LRIG3: variants seen among roughly 807,000 people sequenced by gnomAD.
The protein encoded by LRIG3 is leucine-rich repeats and immunoglobulin-like domains protein 3.
A neutral mutation model predicts 114.5 loss-of-function variants in LRIG3; 76 were observed. The ratio of observed to expected loss-of-function variants is 0.66; its 90% CI spans 0.55 to 0.80. The LOEUF (loss-of-function observed/expected upper bound fraction) is 0.80. LRIG3 is among the 30% of genes least tolerant of loss of function. The probability of loss-of-function intolerance (pLI) is 0.00; values close to 1 mark genes in which losing one functional copy is unlikely to be tolerated. For missense variants in LRIG3, 1,239 were observed against 1,382.8 expected, an observed-to-expected ratio of 0.90 and a Z score of 1.65; for synonymous variants, 512 against 519.8, an observed-to-expected ratio of 0.98 and a Z score of 0.20.
At chr12:58,918,119 A>G (rs1872545145) in intron 1 of LRIG3, among the ~76,000 whole-genome samples, 1 of 152,238 alleles carries the variant, frequency 6.6e-6, no homozygotes, top group South Asian at 2.1e-4. Context: ...CCAATAAGTG[A>G]TCACAGCAGG....
Position 58,872,817 on chromosome 12 carries a change from C to A in LRIG3, c.3116-1G>T. On this transcript the variant is annotated splice_acceptor_variant, in intron 18 of 18. Coordinates refer to ENST00000320743, the MANE Select transcript of LRIG3 (RefSeq NM_153377.5). LOFTEE classifies it high-confidence loss of function. ...CTCCTGAGAGCTTTTCCAAAGGTAC[C>A]TGAAAGAAAGAAACACCTTGAGCAC... 6.2e-7 allele frequency: 1 copy of A among 1,609,318 alleles called. No individual in the cohort carries two copies. The highest frequency in any genetic ancestry group is 1.7e-4 in the Middle Eastern group (1 of 6,030).
rs371473066 is a variant in LRIG3, at chr12:58,872,584, G to T, written c.3348C>A (p.Asp1116Glu). The change falls in exon 19 of 19, where the codon GAC becomes GAA. Residue 1116 changes from aspartate (D) to glutamate (E), a missense_variant. Coordinates refer to ENST00000320743, the MANE Select transcript of LRIG3 (RefSeq NM_153377.5). ...NYRTPNFQSY[D>E]LDT is the part of the protein sequence containing the mutation. Reference sequence around the variant, plus strand: ...GGTCTCATTCAGTCTATGTGTCCAAGTCATAAGACTGAAAATTTGGAGTCC... The same window carrying T: ...GGTCTCATTCAGTCTATGTGTCCAATTCATAAGACTGAAAATTTGGAGTCC... 6 of 1,613,302 alleles carry T rather than the reference G, an allele frequency of 3.7e-6. No homozygotes were observed. Among genetic ancestry groups the T allele is most frequent in the Non-Finnish European group, 5.1e-6 (6 of 1,179,622 alleles).
chr12:58,906,827 T>C (rs1726563144), intron 3 of LRIG3, among the ~76,000 whole-genome samples: 1 of 152,268 alleles, frequency 6.6e-6, no homozygotes, highest in Non-Finnish European at 1.5e-5. Context: ...TTATTTGTTT[T>C]TATCCACTTG....
chr12:58,890,399 A>G (rs1871416956), intron 4 of LRIG3, among the ~76,000 whole-genome samples: 1 of 152,202 alleles, frequency 6.6e-6, no homozygotes, highest in Non-Finnish European at 1.5e-5. Context: ...AAACATAGCA[A>G]TGGTCTGATT....
intron 10 of LRIG3, among the ~76,000 whole-genome samples, chr12:58,884,791 A>G (rs929874398): frequency 5.9e-5 from 9 of 152,320 alleles, no homozygotes; most frequent in African/African-American, 2.2e-4. Context: ...GGAGAACCCA[A>G]TATGTATTTT....
rs755315094 is a variant in LRIG3 at position 58,872,588 on chromosome 12, T to C, written c.3344A>G (p.Tyr1115Cys). 1 of 1,613,496 alleles carries C rather than the reference T, an allele frequency of 6.2e-7. No individual in the cohort carries two copies. The highest frequency in any genetic ancestry group is 1.3e-5 in the African/African-American group (1 of 74,878). ...TCATTCAGTCTATGTGTCCAAGTCA[T>C]AAGACTGAAAATTTGGAGTCCTGTA... ...ENYRTPNFQS[Y>C]DLDT The change falls in exon 19 of 19, where the codon TAT (tyrosine) becomes TGT (cysteine). Residue 1115 changes from tyrosine (Y) to cysteine (C), a missense_variant. Transcript: ENST00000320743.
At chr12:58,883,840 T>C (rs1242299994) in intron 10 of LRIG3, among the ~76,000 whole-genome samples, 1 of 152,232 alleles carries the variant, frequency 6.6e-6, no homozygotes, top group African/African-American at 2.4e-5. Flanking sequence ...TAAAGATTAT[T>C]TGACTCATTA....
chr12:58,898,879 G>C (rs11172807), intron 3 of LRIG3, among the ~76,000 whole-genome samples: 3 of 151,022 alleles, frequency 2.0e-5, no homozygotes, highest in Admixed American at 6.6e-5. Context: ...GGATGGTCTC[G>C]ATCTCCTGAC....
intron 3 of LRIG3, among the ~76,000 whole-genome samples, chr12:58,903,240 C>A (rs955968199): frequency 2.6e-5 from 4 of 152,140 alleles, no homozygotes; most frequent in Non-Finnish European, 4.4e-5. Flanking sequence ...CTGTTGTTTC[C>A]TGACCTTTTA....
intron 3 of LRIG3, among the ~76,000 whole-genome samples, chr12:58,905,193 T>C (rs982648989): frequency 1.3e-5 from 2 of 152,180 alleles, no homozygotes; most frequent in Non-Finnish European, 2.9e-5. Flanking sequence ...TGGGAACTGT[T>C]GAAGGGTTTA....
rs1467033048 is a variant in LRIG3, at chr12:58,920,228, G to A, written c.8C>T (p.Ala3Val). ...CGCGGCGCGCGCACGGAGGCTCGGC[G>A]CGCTCATCGCGGTCCAGCGGCCTAG... Reference protein sequence around the residue: MSAPSLRARAAGL... With the variant: MSVPSLRARAAGL... The change falls in exon 1 of 19, where the codon GCG (alanine) becomes GTG (valine). Residue 3 changes from alanine (A) to valine (V), a missense_variant. Physicochemically the swap from Ala to Val is moderately conservative, Grantham distance 64. Coordinates refer to ENST00000320743, the MANE Select transcript of LRIG3 (RefSeq NM_153377.5). 8 of 1,382,588 alleles carry A rather than the reference G, an allele frequency of 5.8e-6. No homozygotes were observed. Among genetic ancestry groups the A allele is most frequent in the Non-Finnish European group, 7.4e-6 (8 of 1,078,750 alleles). 85.6% of individuals were successfully genotyped at this position (1,382,588 alleles called of 1,614,324 possible). A position where few individuals can be genotyped will look rare whatever the true frequency, so the allele number is the denominator to read the frequency against.
At chr12:58,873,964 C>CA in intron 18 of LRIG3, 91 bp downstream of exon 18, 2 of 1,441,486 alleles carry the variant, frequency 1.4e-6, no homozygotes, top group Non-Finnish European at 1.9e-6. Context: ...CATTTTTTAC[C>CA]AGTTTGACAT....
intron 3 of LRIG3, among the ~76,000 whole-genome samples, chr12:58,905,547 T>C (rs978786841): frequency 6.6e-6 from 1 of 152,242 alleles, no homozygotes; most frequent in Admixed American, 6.5e-5. Flanking sequence ...GGTTTTAACA[T>C]GTGTCCTCTC....
At chr12:58,918,348 T>C (rs1872551532) in intron 1 of LRIG3, among the ~76,000 whole-genome samples, 1 of 152,210 alleles carries the variant, frequency 6.6e-6, no homozygotes, top group Non-Finnish European at 1.5e-5. Context: ...AATGTTTAAA[T>C]AGGTATCGAA....
chr12:58,879,395 C>T (rs1013447476), intron 13 of LRIG3, among the ~76,000 whole-genome samples: 4 of 152,160 alleles, frequency 2.6e-5, no homozygotes, highest in Non-Finnish European at 5.9e-5. Context: ...TTAGTTTCCT[C>T]AACAATCAAC....
intron 3 of LRIG3, among the ~76,000 whole-genome samples, chr12:58,909,450 T>C (rs114544074): frequency 0.01 from 1,551 of 152,292 alleles, 21 homozygotes; most frequent in African/African-American, 0.036. Context: ...TATTTTTCTC[T>C]CCTCACTAGA....
chr12:58,890,580 G>A (rs1871422561), intron 4 of LRIG3, 85 bp downstream of exon 4: 3 of 1,329,256 alleles, frequency 2.3e-6, no homozygotes, highest in Non-Finnish European at 1.0e-6. Context: ...CAGTAGTAAA[G>A]TAGACAAAGT....
intron 3 of LRIG3, among the ~76,000 whole-genome samples, chr12:58,906,966 A>G (rs1397176748): frequency 5.9e-5 from 9 of 151,914 alleles, no homozygotes; most frequent in Admixed American, 1.3e-4. Context: ...AAAAAAAAAA[A>G]AGTCTTCAAT....
At chr12:58,888,579 G>T in intron 6 of LRIG3, 107 bp from the exon 7 acceptor site, 1 of 1,433,696 alleles carries the variant, frequency 7.0e-7, no homozygotes, top group Non-Finnish European at 9.4e-7. Context: ...GTTATTAGAT[G>T]TTTAGCTTTT....
Sources: gnomAD v4.1 joint callset for allele counts (sites outside exome capture counted in the v4.1 genomes callset) on GRCh38, gnomAD v4.1.1 for gene constraint, MANE v1.5 for transcripts, NCBI Gene and HGNC (gene_info 2026-07-23, HGNC 2026-07-21) for gene names.